ABCC1: variants seen among roughly 807,000 people sequenced by gnomAD.
The protein encoded by ABCC1 is ATP binding cassette subfamily C member 1 (ABCC1 blood group).
Under a neutral mutation model 172.9 loss-of-function variants are expected in ABCC1, and 83 were observed. The ratio of observed to expected loss-of-function variants is 0.48; its 90% CI spans 0.40 to 0.58. The LOEUF is 0.58. Among genes scored for constraint, ABCC1 ranks in the 20% least tolerant of loss-of-function variants. ABCC1 has a pLI of 0.00. For synonymous variants in ABCC1, 937 were observed against 825.2 expected (o/e 1.14, Z -2.32); for missense variants, 1,817 against 2,002.7 (o/e 0.91, Z 1.77).
rs566450992 is a variant in ABCC1, at chr16:16,069,730, A to G, written c.1824+1428A>G. On this transcript the variant is annotated intron_variant, in intron 13 of 30. Transcript: ENST00000399410. ...TAAACTGGCATTAAAAGAAAAAGAAAAAGAAAAAAAAAGCCAAGCATGATG... is the reference window on the plus strand; with the variant it reads ...TAAACTGGCATTAAAAGAAAAAGAAGAAGAAAAAAAAAGCCAAGCATGATG... 3.9e-5 allele frequency among the ~76,000 whole-genome samples: 6 copies of G among 152,226 alleles called. No individual in the cohort carries two copies. In the South Asian group the frequency reaches 1.2e-3, roughly 32 times the overall value.
Position 16,102,687 on chromosome 16 carries a change from T to A in ABCC1, c.2705T>A (p.Val902Glu). 1 of 1,588,326 alleles carries A rather than the reference T, an allele frequency of 6.3e-7. No individual in the cohort carries two copies. Among genetic ancestry groups the A allele is most frequent in the African/African-American group, 1.3e-5 (1 of 74,610 alleles). Residue 902 changes from valine to glutamate, a missense_variant, in exon 20 of 31, where the codon GTG (valine) becomes GAG (glutamate). Transcript: ENST00000399410. ...AAGCAAATGGAGAATGGCATGCTGG[T>A]GACGGACAGTGCAGGGAAGCAACTG... ...EAKQMENGML[V>E]TDSAGKQLQR...
intron 5 of ABCC1, among the ~76,000 whole-genome samples, chr16:16,024,994 A>G (rs2048324356): frequency 1.3e-5 from 2 of 151,988 alleles, no homozygotes; most frequent in East Asian, 1.9e-4. Context: ...GTGAGACCCC[A>G]TCTCTTGAAA....
At chr16:15,981,158 C>T (rs1331198041) in intron 1 of ABCC1, among the ~76,000 whole-genome samples, 2 of 152,264 alleles carry the variant, frequency 1.3e-5, no homozygotes, top group African/African-American at 2.4e-5. Flanking sequence ...CAGCCCCCAT[C>T]AAGGGGCTTT....
chr16:15,966,428 C>A (rs891062469), intron 1 of ABCC1, among the ~76,000 whole-genome samples: 3 of 136,720 alleles, frequency 2.2e-5, no homozygotes, highest in Non-Finnish European at 4.8e-5. Context: ...AAAAAAAAGT[C>A]AGGCTTTTCT....
intron 26 of ABCC1, 118 bp from the exon 27 acceptor site, chr16:16,131,671 G>A (rs924233780): frequency 6.9e-6 from 8 of 1,152,938 alleles, no homozygotes; most frequent in Non-Finnish European, 9.8e-6. Flanking sequence ...ACCCCCCAGT[G>A]CTGAGGCCTG....
At chr16:16,101,258 T>C (rs947890958) in intron 19 of ABCC1, among the ~76,000 whole-genome samples, 5 of 152,146 alleles carry the variant, frequency 3.3e-5, no homozygotes, top group African/African-American at 1.2e-4. Context: ...GGTCTTGAAC[T>C]CCTGGCCTCA....
At chr16:16,032,386 A>G (rs535068457) in intron 5 of ABCC1, among the ~76,000 whole-genome samples, 26 of 152,342 alleles carry the variant, frequency 1.7e-4, no homozygotes, top group Admixed American at 1.1e-3. Flanking sequence ...GCTAGCTACT[A>G]ATAGTAGAGA....
chr16:16,136,670 C>T, intron 29 of ABCC1, 26 bp downstream of exon 29: 1 of 1,611,966 alleles, frequency 6.2e-7, no homozygotes, highest in African/African-American at 1.3e-5. Flanking sequence ...CAAGGAGACA[C>T]CGGGTAAGGT....
chr16:16,112,203 T>C (rs1169610334), intron 22 of ABCC1, among the ~76,000 whole-genome samples: 2 of 151,756 alleles, frequency 1.3e-5, no homozygotes, highest in African/African-American at 2.4e-5. Context: ...AATAGATAAA[T>C]AAAATAAACT....
At chr16:16,050,458 C>CA (rs962921906) in intron 10 of ABCC1, among the ~76,000 whole-genome samples, 4 of 147,458 alleles carry the variant, frequency 2.7e-5, no homozygotes, top group African/African-American at 7.5e-5. Context: ...GACTCTGTCT[C>CA]AAAAAAAAGA....
chr16:16,070,233 G>A (rs1349581027), intron 13 of ABCC1, among the ~76,000 whole-genome samples: 1 of 152,110 alleles, frequency 6.6e-6, no homozygotes, highest in East Asian at 1.9e-4. Context: ...CAAAATGGGT[G>A]TGGGGTGCAT....
At chr16:16,029,172 G>C (rs936688563) in intron 5 of ABCC1, among the ~76,000 whole-genome samples, 7 of 152,134 alleles carry the variant, frequency 4.6e-5, no homozygotes, top group African/African-American at 1.7e-4. Flanking sequence ...TTTTATGATG[G>C]AAACATAAAG....
At chr16:16,044,410 C>G in intron 7 of ABCC1, 40 bp from the exon 8 acceptor site, 1 of 1,564,050 alleles carries the variant, frequency 6.4e-7, no homozygotes, top group South Asian at 1.1e-5. Flanking sequence ...GGCTGCATCT[C>G]TGGCAGACCC....
chr16:16,103,715 G>A (rs1182650446), intron 20 of ABCC1, among the ~76,000 whole-genome samples: 1 of 152,162 alleles, frequency 6.6e-6, no homozygotes, highest in African/African-American at 2.4e-5. Flanking sequence ...GTTGCTACAG[G>A]GGTCAGGAGA....
At chr16:16,063,378 G>A (rs2049991730) in intron 12 of ABCC1, among the ~76,000 whole-genome samples, 1 of 152,204 alleles carries the variant, frequency 6.6e-6, no homozygotes, top group East Asian at 1.9e-4. Context: ...AAAGTGCTGG[G>A]ATTGCAGGTG....
chr16:16,099,946 C>G (rs1420107367), intron 19 of ABCC1, among the ~76,000 whole-genome samples: 7 of 152,138 alleles, frequency 4.6e-5, no homozygotes, highest in Non-Finnish European at 1.0e-4. Flanking sequence ...ATTAGCCAGG[C>G]ACGGTGGTGC....
intron 1 of ABCC1, among the ~76,000 whole-genome samples, chr16:15,998,125 ATACTTT>A (rs1215313196): frequency 6.7e-6 from 1 of 149,826 alleles, no homozygotes; most frequent in African/African-American, 2.5e-5. Context: ...CCCAGTCCCG[ATACTTT>A]GTTTCTTTGA....
intron 5 of ABCC1, among the ~76,000 whole-genome samples, chr16:16,024,264 G>A (rs546456707): frequency 2.2e-5 from 3 of 138,478 alleles, no homozygotes; most frequent in Non-Finnish European, 4.6e-5. Flanking sequence ...AGATTGGAAG[G>A]GCTAGGATGT....
rs542655988 is a variant in ABCC1, at chr16:16,118,462, T to TA, written c.3390+3387dup. Among the ~76,000 whole-genome samples, 256 of 118,568 alleles carry TA rather than the reference T, an allele frequency of 2.2e-3. 2 individuals carry two copies. The Middle Eastern group carries it at 0.057, about 27-fold the overall frequency. 77.8% of individuals were successfully genotyped at this position (118,568 alleles called of 152,430 possible). ...TTTTTTTTCCCCTGCATTTACCAAA[T>TA]ATGTTATCTGTGTTCATACGCAAGC... On this transcript the variant is annotated intron_variant, in intron 23 of 30. Coordinates refer to ENST00000399410, the MANE Select transcript of ABCC1 (RefSeq NM_004996.4).
Sources: allele counts gnomAD v4.1 joint callset (sites outside exome capture counted in the v4.1 genomes callset), GRCh38; gene constraint gnomAD v4.1.1; transcripts MANE v1.5; gene names NCBI Gene and HGNC (gene_info 2026-07-23, HGNC 2026-07-21).